COL18A1: variants seen among roughly 807,000 people sequenced by gnomAD.
COL18A1 encodes collagen alpha-1(XVIII) chain.
In COL18A1, 133 loss-of-function variants were observed where a neutral mutation model predicts 168.0. That is an observed-to-expected ratio of 0.79 (90% CI 0.69 to 0.91). The LOEUF is 0.91. COL18A1 is among the 40% of genes least tolerant of loss of function. The pLI is 0.00. For missense variants in COL18A1, 2,126 were observed against 1,925.4 expected (o/e 1.10, Z -1.95); for synonymous variants, 949 against 809.0 (o/e 1.17, Z -2.94).
intron 2 of COL18A1, chr21:45,421,388 T>C (rs2033617795): frequency 1.9e-6 from 1 of 533,230 alleles, no homozygotes; most frequent in Non-Finnish European, 3.9e-6. Context: ...GAGAGGGCAC[T>C]GCGGTGCCTG....
At chr21:45,411,766 T>TGGGGGGGGGGGG (rs56879596) in intron 2 of COL18A1, among the ~76,000 whole-genome samples, 3 of 39,214 alleles carry the variant, frequency 7.7e-5, no homozygotes, top group South Asian at 9.4e-4. Context: ...TGGCGGGGGG[T>TGGGGGGGGGGGG]GGGGGGGGGG....
intron 2 of COL18A1, among the ~76,000 whole-genome samples, chr21:45,432,140 G>A (rs1442582186): frequency 6.6e-6 from 1 of 152,194 alleles, no homozygotes; most frequent in Non-Finnish European, 1.5e-5. Flanking sequence ...AAGTTCCAGA[G>A]CACAGACTGG....
chr21:45,467,655 C>A (rs60346787), intron 2 of COL18A1, among the ~76,000 whole-genome samples: 4 of 152,206 alleles, frequency 2.6e-5, no homozygotes, highest in Admixed American at 2.6e-4. Context: ...TCGAAGAACA[C>A]TGGGGTGTGG....
chr21:45,483,929 C>T (rs2035985437), intron 15 of COL18A1, among the ~76,000 whole-genome samples: 1 of 147,718 alleles, frequency 6.8e-6, no homozygotes. Flanking sequence ...CATATGTACA[C>T]ATGCACACAC....
intron 41 of COL18A1, 118 bp from the exon 42 acceptor site, chr21:45,512,070 G>A (rs2037643120): frequency 2.6e-6 from 3 of 1,135,922 alleles, no homozygotes; most frequent in South Asian, 1.3e-5. Flanking sequence ...GGGAGCCTCT[G>A]CAGCCCCCTG....
chr21:45,456,677 C>T (rs933777878), intron 2 of COL18A1: 1 of 1,531,200 alleles, frequency 6.5e-7, no homozygotes, highest in African/African-American at 1.4e-5. Flanking sequence ...GCACTGCCAC[C>T]CCTTCCTCGC....
At chr21:45,459,498 C>T (rs1011303970) in intron 2 of COL18A1, among the ~76,000 whole-genome samples, 12 of 152,216 alleles carry the variant, frequency 7.9e-5, no homozygotes, top group Non-Finnish European at 4.4e-5. Flanking sequence ...CCATCTCCAG[C>T]GCCCCCTCCA....
intron 2 of COL18A1, chr21:45,456,587 T>C: frequency 6.5e-7 from 1 of 1,542,866 alleles, no homozygotes; most frequent in African/African-American, 1.4e-5. Flanking sequence ...CTCACGCTTC[T>C]GGCTGCCCAA....
chr21:45,508,794 G>A (rs541458034), intron 38 of COL18A1, among the ~76,000 whole-genome samples: 1 of 152,146 alleles, frequency 6.6e-6, no homozygotes, highest in East Asian at 1.9e-4. Flanking sequence ...TATTGCCCTG[G>A]GTAACACACA....
chr21:45,509,500 C>T lies in COL18A1; in HGVS notation c.3394C>T (p.Gln1132Ter). ...LASPPRLPEPQPYPGAPHHSS... is the reference protein window; with the variant it reads ...LASPPRLPEP ...CAGCCCCCCTCGCCTGCCCGAGCCCCAGCCCTACCCCGGAGCCCCGCACCA... is the reference window on the plus strand; with the variant it reads ...CAGCCCCCCTCGCCTGCCCGAGCCCTAGCCCTACCCCGGAGCCCCGCACCA... The change falls in exon 39 of 42, where the codon CAG becomes TAG. Residue 1132 changes from glutamine to a stop codon, truncating the protein, a stop_gained. Coordinates refer to ENST00000651438, the MANE Select transcript of COL18A1 (RefSeq NM_001379500.1). LOFTEE classifies it high-confidence loss of function. The T allele has an allele frequency of 1.3e-6, 2 of 1,531,600 alleles. No homozygotes were observed. The highest frequency in any genetic ancestry group is 1.8e-6 in the Non-Finnish European group (2 of 1,137,388). The allele number at this position is 1,531,600 out of a possible 1,614,324, so 94.9% of individuals were successfully genotyped here. A position where few individuals can be genotyped will look rare whatever the true frequency, so the allele number is the denominator to read the frequency against.
chr21:45,478,260 TG>T (rs747912184), intron 8 of COL18A1, 66 bp from the exon 9 acceptor site: 4 of 1,602,190 alleles, frequency 2.5e-6, no homozygotes, highest in Non-Finnish European at 3.4e-6. Flanking sequence ...TGCATTTCCA[TG>T]TAGACACTGT....
At chr21:45,495,997 C>T in intron 29 of COL18A1, 1 of 346,106 alleles carries the variant, frequency 2.9e-6, no homozygotes, top group East Asian at 7.4e-5. Context: ...CACATATATG[C>T]ACACATGTGC....
chr21:45,445,404 G>A (rs1333953755), intron 2 of COL18A1, among the ~76,000 whole-genome samples: 2 of 152,172 alleles, frequency 1.3e-5, no homozygotes, highest in African/African-American at 2.4e-5. Context: ...TGTGATGAAC[G>A]GTGCTGTTGT....
chr21:45,495,959 T>C (rs749265848), intron 29 of COL18A1: 64 of 331,106 alleles, frequency 1.9e-4, no homozygotes, highest in Non-Finnish European at 3.3e-4. Context: ...CATGCACACA[T>C]ACATATACAC....
rs750461946 is a variant in COL18A1, at chr21:45,437,434, G to GCA, written c.107-30798_107-30797dup. On this transcript the variant is annotated intron_variant, in intron 2 of 41. Coordinates refer to ENST00000651438, the MANE Select transcript of COL18A1 (RefSeq NM_001379500.1). ...CACTCAGACACACAGGCACTCTCCTGCACACACACACTCACTCACAGACAG... is the reference window on the plus strand; with the variant it reads ...CACTCAGACACACAGGCACTCTCCTGCACACACACACACTCACTCACAGACAG... 3.6e-3 allele frequency among the ~76,000 whole-genome samples: 246 copies of GCA among 68,554 alleles called. 53 individuals carry two copies. The highest frequency in any genetic ancestry group is 0.023 in the African/African-American group (201 of 8,914). The allele number at this position is 68,554 out of a possible 152,430, so 45.0% of individuals were successfully genotyped here. A position where few individuals can be genotyped will look rare whatever the true frequency, so the allele number is the denominator to read the frequency against.
chr21:45,444,402 C>T (rs78438877), intron 2 of COL18A1, among the ~76,000 whole-genome samples: 3,629 of 151,994 alleles, frequency 0.024, 138 homozygotes, highest in Admixed American at 0.097. Flanking sequence ...ACGTTGTGCT[C>T]GTGTGGGTGA....
intron 2 of COL18A1, among the ~76,000 whole-genome samples, chr21:45,406,555 A>T (rs962320287): frequency 6.6e-6 from 1 of 152,174 alleles, no homozygotes; most frequent in East Asian, 1.9e-4. Flanking sequence ...GGGGTGAAAC[A>T]CGGGCGGAGA....
rs761200713 is a variant in COL18A1 at position 45,477,964 on chromosome 21, C to T, written c.1220C>T (p.Pro407Leu). 10 of 1,487,080 alleles carry T rather than the reference C, an allele frequency of 6.7e-6. No individual in the cohort carries two copies. The East Asian group carries it at 7.3e-5, about 11-fold the overall frequency. The allele number at this position is 1,487,080 out of a possible 1,614,324, so 92.1% of individuals were successfully genotyped here. The change falls in exon 8 of 42, where the codon CCG (proline) becomes CTG (leucine). Residue 407 changes from proline to leucine, a missense_variant and splice_region_variant. Physicochemically the swap from Pro to Leu is moderately conservative, Grantham distance 98. Transcript: ENST00000651438. ...RDGTPGRDGE[P>L]GDPGEDGKPG... ...GGCACCCCTGGAAGGGACGGCGAGC[C>T]GGTGAGTCCTCACGTCCCCCCGAGT...
At chr21:45,458,050 C>T (rs1208323376) in intron 2 of COL18A1, among the ~76,000 whole-genome samples, 5 of 144,422 alleles carry the variant, frequency 3.5e-5, no homozygotes, top group Admixed American at 7.4e-5. Flanking sequence ...GGGACAAGTG[C>T]TGACAACAGG....
Sources: allele counts gnomAD v4.1 joint callset (sites outside exome capture counted in the v4.1 genomes callset), GRCh38; gene constraint gnomAD v4.1.1; transcripts MANE v1.5; gene names NCBI Gene and HGNC (gene_info 2026-07-23, HGNC 2026-07-21).